Variants in COL6A3 observed in about 807,000 individuals in gnomAD.
COL6A3 encodes collagen alpha-3(VI) chain.
Under a neutral mutation model 274.1 loss-of-function variants are expected in COL6A3, and 137 were observed. That is an observed-to-expected ratio of 0.50 (90% CI 0.44 to 0.58). COL6A3 has a LOEUF of 0.58. Ranked by LOEUF, COL6A3 falls within the 20% of genes least tolerant of loss-of-function variation. COL6A3 has a pLI of 0.00. For missense variants in COL6A3, 3,950 were observed against 4,124.9 expected, an observed-to-expected ratio of 0.96 and a Z score of 1.16; for synonymous variants, 1,650 against 1,650.6, an observed-to-expected ratio of 1.00 and a Z score of 0.01.
In COL6A3 at chr2:237,334,796, T is replaced by C. The variant is rs371006546; in HGVS notation, c.9059A>G (p.Tyr3020Cys). Residue 3020 changes from tyrosine to cysteine, a missense_variant, in exon 41 of 44, where the codon TAT becomes TGT. Physicochemically the swap from Tyr to Cys is radical, Grantham distance 194. Around this residue, in one of 5 missense-constraint regions of COL6A3, gnomAD observed 1,284 missense variants for 1,349.7 expected, o/e 0.95. Transcript: ENST00000295550. Reference sequence around the variant, plus strand: ...ATGGGCTGAGGTGACGGTGAGGTCATAAAAATAAGGACCGGGGGGCTCAGC... The same window carrying C: ...ATGGGCTGAGGTGACGGTGAGGTCACAAAAATAAGGACCGGGGGGCTCAGC... ...ERAEPPGPYFYDLTVTSAHDQ... is the reference protein window; with the variant it reads ...ERAEPPGPYFCDLTVTSAHDQ... The C allele has an allele frequency of 1.2e-5, 19 of 1,613,960 alleles. No individual in the cohort carries two copies. In the African/African-American group the frequency reaches 2.1e-4, roughly 18 times the overall value.
chr2:237,386,453 A>G (rs2078145204), intron 4 of COL6A3: 1 of 152,208 alleles, frequency 6.6e-6, no homozygotes, highest in Non-Finnish European at 1.5e-5. Flanking sequence ...TACAATATTT[A>G]TCTTGTAGAC....
intron 4 of COL6A3, among the ~76,000 whole-genome samples, chr2:237,384,913 G>A (rs943804149): frequency 6.6e-6 from 1 of 152,126 alleles, no homozygotes; most frequent in Non-Finnish European, 1.5e-5. Flanking sequence ...TCCCTGTCCA[G>A]TGTGCTCCAG....
chr2:237,371,779 G>C lies in COL6A3; in HGVS notation c.4238C>G (p.Ser1413Ter). The change falls in exon 9 of 44, where the codon TCA becomes TGA. Residue 1413 changes from serine to a stop codon, truncating the protein, a stop_gained. Transcript: ENST00000295550. LOFTEE classifies it high-confidence loss of function. The surrounding 1 kb of genome is among the most constrained non-coding windows in gnomAD (Gnocchi z 4.3). ...KLLTPITTLTSEQIQKLLAST... is the reference protein window; with the variant it reads ...KLLTPITTLT ...GGCTAAGAGCTTCTGGATCTGCTCTGAGGTCAGGGTCGTGATGGGCGTCAG... is the reference window on the plus strand; with the variant it reads ...GGCTAAGAGCTTCTGGATCTGCTCTCAGGTCAGGGTCGTGATGGGCGTCAG... 1 of 1,613,620 alleles carries C rather than the reference G, an allele frequency of 6.2e-7. No homozygotes were observed. The highest frequency in any genetic ancestry group is 2.2e-5 in the East Asian group (1 of 44,858).
intron 1 of COL6A3, among the ~76,000 whole-genome samples, chr2:237,399,106 A>G (rs1332913080): frequency 6.6e-6 from 1 of 152,234 alleles, no homozygotes; most frequent in African/African-American, 2.4e-5. Context: ...CTGAGGGTTC[A>G]TAAGATGAGA....
rs1700434762 is a variant in COL6A3, at chr2:237,334,617, T to G, written c.9229+9A>C. ...ATCAGGTACCGACTTGTACTGATCA[T>G]GTACTTACTTGTACTGAAACTTCCG... On this transcript the variant is annotated intron_variant, in intron 41 of 43. Transcript: ENST00000295550. 2.5e-6 allele frequency: 4 copies of G among 1,612,982 alleles called. No homozygotes were observed. Among genetic ancestry groups the G allele is most frequent in the African/African-American group, 1.3e-5 (1 of 74,908 alleles).
chr2:237,335,516 T>C (rs1028494204), intron 40 of COL6A3, among the ~76,000 whole-genome samples: 7 of 152,232 alleles, frequency 4.6e-5, no homozygotes, highest in Admixed American at 2.0e-4. Flanking sequence ...ATTTTTCTCA[T>C]GGTCAGCATG....
intron 23 of COL6A3, 115 bp downstream of exon 23, chr2:237,357,223 C>CT: frequency 1.1e-6 from 1 of 901,078 alleles, no homozygotes; most frequent in Non-Finnish European, 1.9e-6. Context: ...TTCAGAAATC[C>CT]TTTTACATTC....
intron 24 of COL6A3, 108 bp downstream of exon 24, chr2:237,354,791 C>T: frequency 1.1e-6 from 1 of 896,358 alleles, no homozygotes; most frequent in Non-Finnish European, 1.7e-6. Flanking sequence ...TGATTGGTAT[C>T]TGTCTCCGAA....
Position 237,344,830 on chromosome 2 carries a change from G to A in COL6A3, c.7188C>T (p.Cys2396=), listed in dbSNP as rs1383762763. 1 of 1,612,726 alleles carries A rather than the reference G, an allele frequency of 6.2e-7. No homozygotes were observed. Among genetic ancestry groups the A allele is most frequent in the Admixed American group, 1.7e-5 (1 of 59,954 alleles). The change falls in exon 36 of 44, where the codon TGC becomes TGT. Residue 2396 remains cysteine (C), a synonymous_variant. Transcript: ENST00000295550. The surrounding 1 kb of genome is among the most constrained non-coding windows in gnomAD (Gnocchi z 4.8). ...KCPCCYGPLE[C]PVFPTELAFA... ...AGGCTAGTTCTGTTGGGAAGACGGG[G>A]CACTCCAGGGGCCCTGTGGAAAGTA...
At chr2:237,384,308 T>C (rs1363921307) in intron 4 of COL6A3, among the ~76,000 whole-genome samples, 1 of 152,096 alleles carries the variant, frequency 6.6e-6, no homozygotes, top group African/African-American at 2.4e-5. Context: ...CACAGCTGTC[T>C]TATCTCTTTA....
At chr2:237,404,105 T>C (rs1200392944) in intron 1 of COL6A3, among the ~76,000 whole-genome samples, 3 of 152,172 alleles carry the variant, frequency 2.0e-5, no homozygotes, top group African/African-American at 7.2e-5. Flanking sequence ...GCGTCAATTT[T>C]TTTTTAGCAA....
chr2:237,398,911 C>G (rs553286495), intron 1 of COL6A3, among the ~76,000 whole-genome samples: 1 of 152,288 alleles, frequency 6.6e-6, no homozygotes, highest in South Asian at 2.1e-4. Context: ...AAAAGTTATT[C>G]AGCATCTACT....
chr2:237,396,874 A>T, intron 1 of COL6A3, 27 bp from the exon 2 acceptor site: 2 of 1,533,232 alleles, frequency 1.3e-6, no homozygotes, highest in Non-Finnish European at 9.0e-7. Flanking sequence ...GGCAAAGGGA[A>T]TGATCAGTTT....
In COL6A3 at chr2:237,378,915, G is replaced by C. The variant is rs147182340; in HGVS notation, c.2218C>G (p.Arg740Gly). ...HFTEAGGSRI[R>G]EHVPQLLLLL... ...AGCAGGAGCTGCGGCACGTGTTCAC[G>C]GATCCTGCTGCCGCCAGCTTCCGTG... Residue 740 changes from arginine (R) to glycine (G), a missense_variant, in exon 6 of 44, where the codon CGT (arginine) becomes GGT (glycine). Around this residue, in one of 5 missense-constraint regions of COL6A3, gnomAD observed 1,934 missense variants for 1,984.3 expected, o/e 0.97. Transcript: ENST00000295550. 5.6e-6 allele frequency: 9 copies of C among 1,614,088 alleles called. No homozygotes were observed. Among genetic ancestry groups the C allele is most frequent in the Middle Eastern group, 1.6e-4 (1 of 6,082 alleles).
rs771376763 is a variant in COL6A3, at chr2:237,325,721, A to G, written c.9332T>C (p.Ile3111Thr). Residue 3111 changes from isoleucine (I) to threonine (T), a missense_variant, in exon 43 of 44, where the codon ATA becomes ACA. Coordinates refer to ENST00000295550, the MANE Select transcript of COL6A3 (RefSeq NM_004369.4). ...TCCTTCGTCTTTCGGCAACTTGCAT[A>G]TATCTTTAATAAAAACATGAGAAAA... Reference protein sequence around the residue: ...TEPLALTETDICKLPKDEGTC... With the variant: ...TEPLALTETDTCKLPKDEGTC... 1.9e-5 allele frequency: 30 copies of G among 1,612,940 alleles called. 1 individual carries two copies. In the South Asian group the frequency reaches 3.2e-4, roughly 17 times the overall value.
At position 237,368,897 on chromosome 2, in the gene COL6A3, A is replaced by G; in HGVS notation, c.4566T>C (p.Phe1522=). Residue 1522 remains phenylalanine, a synonymous_variant, in exon 10 of 44, where the codon TTT becomes TTC. Transcript: ENST00000295550. This position sits in a 1 kb window ranked among gnomAD's most constrained non-coding sequence, Gnocchi z 4.4. ...SPLNTGKALE[F]VARNLFVKSA... ...ACTTAACAAAGAGGTTTCTTGCCAC[A>G]AATTCGAGAGCCTTGCCAGTGTTCA... 6.2e-7 allele frequency: 1 copy of G among 1,614,190 alleles called. No homozygotes were observed. The highest frequency in any genetic ancestry group is 1.1e-5 in the South Asian group (1 of 91,076).
At chr2:237,329,415 C>A (rs1700111233) in intron 42 of COL6A3, 1 of 152,130 alleles carries the variant, frequency 6.6e-6, no homozygotes, top group Non-Finnish European at 1.5e-5. Flanking sequence ...AGATCTTGAC[C>A]AACAGACTTC....
At chr2:237,356,084 G>A (rs1349698309) in intron 23 of COL6A3, among the ~76,000 whole-genome samples, 1 of 152,202 alleles carries the variant, frequency 6.6e-6, no homozygotes, top group Non-Finnish European at 1.5e-5. Flanking sequence ...ACCACAAAAG[G>A]AAGAACTGAG....
At position 237,376,940 on chromosome 2, in the gene COL6A3, C is replaced by T. The variant is rs202122047; in HGVS notation, c.2902G>A (p.Val968Ile). The T allele has an allele frequency of 8.7e-6, 14 of 1,614,216 alleles. No individual in the cohort carries two copies. In the East Asian group the frequency reaches 2.7e-4, roughly 31 times the overall value. Residue 968 changes from valine (V) to isoleucine (I), a missense_variant, in exon 7 of 44, where the codon GTT becomes ATT. By Grantham distance (29) the Val-to-Ile change is conservative (BLOSUM62 3). Around this residue, in one of 5 missense-constraint regions of COL6A3, gnomAD observed 1,934 missense variants for 1,984.3 expected, o/e 0.97. Coordinates refer to ENST00000295550, the MANE Select transcript of COL6A3 (RefSeq NM_004369.4). Reference protein sequence around the residue: ...GPASNLKQSGVVPFIFQAKNA... With the variant: ...GPASNLKQSGIVPFIFQAKNA... ...TTGGCTTGGAAGATGAAAGGCACAA[C>T]CCCACTCTGCTTCAGGTTACTTGCT...
Sources: gnomAD v4.1 joint callset for allele counts (sites outside exome capture counted in the v4.1 genomes callset) on GRCh38, gnomAD v4.1.1 for gene constraint, gnomAD v4.1.1 regional missense constraint, Gnocchi (gnomAD v3.1) non-coding constraint, MANE v1.5 for transcripts, NCBI Gene and HGNC (gene_info 2026-07-23, HGNC 2026-07-21) for gene names.